ATP9B: variants seen among roughly 807,000 people sequenced by gnomAD.
The protein encoded by ATP9B is ATPase phospholipid transporting 9B.
In ATP9B, 110 loss-of-function variants were observed where a neutral mutation model predicts 146.1. That is an observed-to-expected ratio of 0.75 (90% CI 0.65 to 0.88). ATP9B has a LOEUF of 0.88. Ranked by LOEUF, ATP9B falls within the 40% of genes least tolerant of loss-of-function variation. The probability of loss-of-function intolerance (pLI) is 0.00; values close to 1 mark genes in which losing one functional copy is unlikely to be tolerated. For missense variants in ATP9B, 1,499 were observed against 1,496.4 expected (o/e 1.00, Z -0.03); for synonymous variants, 604 against 569.7 (o/e 1.06, Z -0.86).
chr18:79,265,616 A>C lies in ATP9B; in HGVS notation c.1269-11438A>C, dbSNP rs531741595. 3.9e-4 allele frequency among the ~76,000 whole-genome samples: 60 copies of C among 151,996 alleles called. 1 individual carries two copies. The Middle Eastern group carries it at 0.014, about 34-fold the overall frequency. ...AACCTTTGTCAGATCTGTAGTTTGCAAAAAAATTTTCTCCCACTCTGTAGG... is the reference window on the plus strand; with the variant it reads ...AACCTTTGTCAGATCTGTAGTTTGCCAAAAAATTTTCTCCCACTCTGTAGG... On this transcript the variant is annotated intron_variant, in intron 12 of 29. Coordinates refer to ENST00000426216, the MANE Select transcript of ATP9B (RefSeq NM_198531.5).
At chr18:79,109,235 A>C (rs2073027400) in intron 2 of ATP9B, among the ~76,000 whole-genome samples, 1 of 152,186 alleles carries the variant, frequency 6.6e-6, no homozygotes, top group South Asian at 2.1e-4. Flanking sequence ...CTACATTTTG[A>C]AAATTTAAAT....
chr18:79,277,079 A>G lies in ATP9B; in HGVS notation c.1294A>G (p.Lys432Glu). The G allele has an allele frequency of 1.9e-6, 3 of 1,614,168 alleles. No individual in the cohort carries two copies. Among genetic ancestry groups the G allele is most frequent in the Non-Finnish European group, 2.5e-6 (3 of 1,180,028 alleles). The change falls in exon 13 of 30, where the codon AAA becomes GAA. Residue 432 changes from lysine (K) to glutamate (E), a missense_variant. Transcript: ENST00000426216. ...TTTGCGTGTGAACTTGGACATGGGC[A>G]AAGCGGTGTATGGATGGATGATGAT... ...ISLRVNLDMG[K>E]AVYGWMMMKD...
chr18:79,307,254 C>G lies in ATP9B; in HGVS notation c.1773+20C>G. The G allele has an allele frequency of 6.2e-7, 1 of 1,613,768 alleles. No individual in the cohort carries two copies. The highest frequency in any genetic ancestry group is 1.3e-5 in the African/African-American group (1 of 75,044). ...GATGAGGTCAGTCAAAGCACAAAAC[C>G]GTGGGAGCTTGTCCGTTCCATTTGG... On this transcript the variant is annotated intron_variant, in intron 15 of 29. Coordinates refer to ENST00000426216, the MANE Select transcript of ATP9B (RefSeq NM_198531.5).
intron 6 of ATP9B, among the ~76,000 whole-genome samples, chr18:79,154,203 C>T (rs976576387): frequency 1.3e-5 from 2 of 151,814 alleles, no homozygotes; most frequent in South Asian, 2.1e-4. Flanking sequence ...CCTCATGATC[C>T]GCCTGCCTCG....
chr18:79,320,815 C>T (rs948334298), intron 15 of ATP9B, among the ~76,000 whole-genome samples: 1 of 99,068 alleles, frequency 1.0e-5, no homozygotes, highest in East Asian at 8.3e-4. Context: ...GTGGGTTTTA[C>T]GTTGGGAGGG....
intron 1 of ATP9B, chr18:79,086,072 A>G (rs2073796509): frequency 6.6e-6 from 1 of 151,148 alleles, no homozygotes; most frequent in African/African-American, 2.4e-5. Flanking sequence ...GACAGTGTTT[A>G]TCTAATTGTC....
intron 12 of ATP9B, among the ~76,000 whole-genome samples, chr18:79,262,433 T>G (rs536125546): frequency 4.9e-4 from 74 of 152,258 alleles, no homozygotes; most frequent in Non-Finnish European, 8.8e-4. Context: ...CCTTATTGCC[T>G]CTAATTGTGG....
intron 26 of ATP9B, among the ~76,000 whole-genome samples, chr18:79,366,159 G>A (rs1278121642): frequency 6.6e-6 from 1 of 152,224 alleles, no homozygotes; most frequent in Non-Finnish European, 1.5e-5. Flanking sequence ...AGACCCGTCC[G>A]TGGTCGCTAA....
chr18:79,133,535 ACT>A (rs1491553522), intron 5 of ATP9B, among the ~76,000 whole-genome samples: 1 of 149,520 alleles, frequency 6.7e-6, no homozygotes, highest in Non-Finnish European at 1.5e-5. Flanking sequence ...ACACACACAC[ACT>A]CACTCTCAAG....
chr18:79,318,922 A>G (rs2096698427), intron 15 of ATP9B, among the ~76,000 whole-genome samples: 1 of 152,118 alleles, frequency 6.6e-6, no homozygotes, highest in Admixed American at 6.5e-5. Context: ...CGAGGTGACC[A>G]CTCTGGGTGG....
chr18:79,167,645 T>G (rs945123480), intron 7 of ATP9B, among the ~76,000 whole-genome samples: 6 of 152,050 alleles, frequency 3.9e-5, no homozygotes, highest in Admixed American at 2.0e-4. Context: ...TTTATGAACT[T>G]AGAAGGGAGG....
At chr18:79,221,654 T>C (rs2095678527) in intron 11 of ATP9B, among the ~76,000 whole-genome samples, 1 of 152,088 alleles carries the variant, frequency 6.6e-6, no homozygotes, top group African/African-American at 2.4e-5. Flanking sequence ...CCAGGAGGCA[T>C]AGCTTGCAGT....
rs1301930479 is a variant in ATP9B, at chr18:79,348,272, A to G, written c.2903+76A>G. ...TGAAAAAAAAAAAAAAAAAAAAACA[A>G]AAAACGTATATAGAAGATTCTTGAT... On this transcript the variant is annotated intron_variant, in intron 25 of 29. Coordinates refer to ENST00000426216, the MANE Select transcript of ATP9B (RefSeq NM_198531.5). 9.0e-6 allele frequency: 11 copies of G among 1,227,712 alleles called. No homozygotes were observed. The East Asian group carries it at 2.4e-4, about 26-fold the overall frequency. 76.1% of individuals were successfully genotyped at this position (1,227,712 alleles called of 1,614,324 possible).
At chr18:79,368,847 TCAG>T in intron 26 of ATP9B, among the ~76,000 whole-genome samples, 1 of 151,880 alleles carries the variant, frequency 6.6e-6, no homozygotes, top group East Asian at 2.0e-4. Flanking sequence ...GTCTCTACCC[TCAG>T]CAGAGCAGGC....
intron 5 of ATP9B, among the ~76,000 whole-genome samples, chr18:79,130,220 G>A (rs2094354667): frequency 6.6e-6 from 1 of 152,180 alleles, no homozygotes. Context: ...CCATGGGGAT[G>A]TTGCTTAAAA....
intron 8 of ATP9B, among the ~76,000 whole-genome samples, chr18:79,180,076 T>A (rs1330773109): frequency 6.6e-6 from 1 of 152,222 alleles, no homozygotes; most frequent in Non-Finnish European, 1.5e-5. Context: ...ATTATAGTAA[T>A]TTCAGCTTTT....
intron 9 of ATP9B, among the ~76,000 whole-genome samples, chr18:79,194,986 T>A (rs917912747): frequency 6.6e-6 from 1 of 151,984 alleles, no homozygotes; most frequent in Non-Finnish European, 1.5e-5. Flanking sequence ...GTTGGGGGAA[T>A]GTATAGGGGC....
chr18:79,118,171 T>A (rs1260161618), intron 4 of ATP9B, among the ~76,000 whole-genome samples: 2 of 152,176 alleles, frequency 1.3e-5, no homozygotes, highest in South Asian at 2.1e-4. Flanking sequence ...ACAATATGAT[T>A]GTTCATAAGC....
chr18:79,277,325 A>G (rs2096322908), intron 13 of ATP9B, 129 bp downstream of exon 13: 2 of 1,216,572 alleles, frequency 1.6e-6, no homozygotes, highest in Non-Finnish European at 1.1e-6. Context: ...CATTGAATCC[A>G]TATTTAGAAT....
Sources: allele counts gnomAD v4.1 joint callset (sites outside exome capture counted in the v4.1 genomes callset), GRCh38; gene constraint gnomAD v4.1.1; transcripts MANE v1.5; gene names NCBI Gene and HGNC (gene_info 2026-07-23, HGNC 2026-07-21).